Variants in TENM3 observed in about 807,000 individuals in gnomAD.
TENM3 encodes teneurin-3.
Under a neutral mutation model 255.1 loss-of-function variants are expected in TENM3, and 63 were observed. The ratio of observed to expected loss-of-function variants is 0.25; its 90% CI spans 0.20 to 0.30. The LOEUF (loss-of-function observed/expected upper bound fraction) is 0.30. Ranked by LOEUF, TENM3 falls within the 10% of genes least tolerant of loss-of-function variation. The pLI, the probability that TENM3 is intolerant of heterozygous loss-of-function variation, is 1.00. For missense variants in TENM3, 2,929 were observed against 3,461.1 expected (o/e 0.85, Z 3.86); for synonymous variants, 1,306 against 1,322.3 (o/e 0.99, Z 0.27).
the TENM3 span, among the ~76,000 whole-genome samples, chr4:181,541,368 G>T: frequency 1.3e-5 from 2 of 152,100 alleles, no homozygotes; most frequent in Non-Finnish European, 2.9e-5. Context: ...CTAGGTGACA[G>T]AGCGAGATCC....
the TENM3 span, among the ~76,000 whole-genome samples, chr4:182,003,851 T>G: frequency 1.1e-4 from 17 of 152,158 alleles, no homozygotes; most frequent in South Asian, 2.1e-4. Flanking sequence ...GTGTGTAAGT[T>G]TCATGTTCCA....
At chr4:181,737,958 G>T in the TENM3 span, among the ~76,000 whole-genome samples, 3 of 151,360 alleles carry the variant, frequency 2.0e-5, no homozygotes, top group Admixed American at 1.3e-4. Context: ...TATGTATTGT[G>T]CAATAAACAT....
chr4:181,911,368 GT>G, the TENM3 span, among the ~76,000 whole-genome samples: 3 of 152,106 alleles, frequency 2.0e-5, no homozygotes, highest in Admixed American at 6.6e-5. Flanking sequence ...ATGCTGTGTT[GT>G]TTTTTTCCCC....
the TENM3 span, among the ~76,000 whole-genome samples, chr4:181,564,822 G>C: frequency 6.6e-6 from 1 of 152,138 alleles, no homozygotes; most frequent in Non-Finnish European, 1.5e-5. Context: ...TGCTGTGTGA[G>C]TCACTGGCAT....
At chr4:181,888,552 A>ATATATATATGTG in the TENM3 span, among the ~76,000 whole-genome samples, 3 of 87,832 alleles carry the variant, frequency 3.4e-5, no homozygotes, top group Non-Finnish European at 2.3e-5. Flanking sequence ...ATATATATGT[A>ATATATATATGTG]TATATATACA....
At chr4:182,359,095 T>C (rs1765769356) in intron 3 of TENM3, among the ~76,000 whole-genome samples, 1 of 151,848 alleles carries the variant, frequency 6.6e-6, no homozygotes, top group Admixed American at 6.6e-5. Flanking sequence ...GATAAGCTTT[T>C]TGATGTGCTG....
the TENM3 span, among the ~76,000 whole-genome samples, chr4:181,671,172 C>T: frequency 6.6e-6 from 1 of 152,116 alleles, no homozygotes; most frequent in Non-Finnish European, 1.5e-5. Context: ...AATTAGACTC[C>T]TTAACAAGTG....
At chr4:181,493,708 C>T in the TENM3 span, among the ~76,000 whole-genome samples, 6 of 152,262 alleles carry the variant, frequency 3.9e-5, no homozygotes, top group East Asian at 1.2e-3. Context: ...CACACTATTG[C>T]ACTCCAGCCT....
intron 12 of TENM3, among the ~76,000 whole-genome samples, chr4:182,710,859 C>T (rs554297837): frequency 6.6e-6 from 1 of 152,250 alleles, no homozygotes; most frequent in East Asian, 1.9e-4. Context: ...AAGGCATAGC[C>T]TAATTGTAGC....
intron 22 of TENM3, among the ~76,000 whole-genome samples, chr4:182,763,446 T>C (rs1763383503): frequency 6.6e-6 from 1 of 151,944 alleles, no homozygotes; most frequent in Non-Finnish European, 1.5e-5. Context: ...GCATCTGTAG[T>C]CCCAGCTACT....
At chr4:181,677,973 A>G in the TENM3 span, among the ~76,000 whole-genome samples, 5 of 152,100 alleles carry the variant, frequency 3.3e-5, no homozygotes, top group African/African-American at 1.2e-4. Context: ...TTTCCTTTTT[A>G]TATGGCTTGG....
intron 1 of TENM3, among the ~76,000 whole-genome samples, chr4:182,234,316 C>G (rs567559622): frequency 1.3e-4 from 20 of 152,202 alleles, no homozygotes; most frequent in African/African-American, 3.6e-4. Context: ...AATCACGGTG[C>G]TACCTCCTGC....
Position 182,780,898 on chromosome 4 carries a change from A to G in TENM3, c.5304+5745A>G, listed in dbSNP as rs913584219. ...ATAAGAATGCTTGTGATTTTTGTAG[A>G]TTGATTTTGTATCCTGAGACTTTGC... On this transcript the variant is annotated intron_variant, in intron 24 of 27. Transcript: ENST00000511685. 3.0e-3 allele frequency among the ~76,000 whole-genome samples: 449 copies of G among 150,578 alleles called. 5 individuals are homozygous for G. Among genetic ancestry groups the G allele is most frequent in the African/African-American group, 0.01 (418 of 39,936 alleles).
At chr4:182,490,695 T>C (rs1442826483) in intron 3 of TENM3, among the ~76,000 whole-genome samples, 1 of 96,732 alleles carries the variant, frequency 1.0e-5, no homozygotes, top group Non-Finnish European at 2.3e-5. Context: ...AAAGTGACGT[T>C]GTGAATGACA....
At chr4:182,465,544 A>G (rs1005965417) in intron 3 of TENM3, among the ~76,000 whole-genome samples, 1 of 152,268 alleles carries the variant, frequency 6.6e-6, no homozygotes, top group Non-Finnish European at 1.5e-5. Flanking sequence ...CCGTTTATGG[A>G]ATTTTTTTTA....
chr4:182,472,834 G>T (rs1366220270), intron 3 of TENM3, among the ~76,000 whole-genome samples: 1 of 151,968 alleles, frequency 6.6e-6, no homozygotes, highest in African/African-American at 2.4e-5. Flanking sequence ...TCTCACCTCA[G>T]CCTCCCAAGT....
intron 1 of TENM3, among the ~76,000 whole-genome samples, chr4:182,199,011 G>A (rs1754006829): frequency 6.6e-6 from 1 of 152,138 alleles, no homozygotes; most frequent in African/African-American, 2.4e-5. Flanking sequence ...AGATGAAAGT[G>A]TATGTTAGTA....
At chr4:182,455,586 G>T (rs1413429621) in intron 3 of TENM3, among the ~76,000 whole-genome samples, 1 of 113,628 alleles carries the variant, frequency 8.8e-6, no homozygotes. Flanking sequence ...TTTTGAGACC[G>T]AGTCTCACTA....
the TENM3 span, among the ~76,000 whole-genome samples, chr4:181,798,090 A>AGT: frequency 0.32 from 48,276 of 149,728 alleles, 7,838 homozygotes; most frequent in East Asian, 0.49. Context: ...TTTCAAAATA[A>AGT]GTGTGTGTGT....
Sources: gnomAD v4.1 joint callset for allele counts (sites outside exome capture counted in the v4.1 genomes callset) on GRCh38, gnomAD v4.1.1 for gene constraint, MANE v1.5 for transcripts, NCBI Gene and HGNC (gene_info 2026-07-23, HGNC 2026-07-21) for gene names.